Variants in ARHGEF10L observed in about 807,000 individuals in gnomAD.
The protein encoded by ARHGEF10L is rho guanine nucleotide exchange factor 10-like protein.
Under a neutral mutation model 141.2 loss-of-function variants are expected in ARHGEF10L, and 69 were observed. That is an observed-to-expected ratio of 0.49 (90% CI 0.40 to 0.60). The LOEUF is 0.60. Ranked by LOEUF, ARHGEF10L falls within the 20% of genes least tolerant of loss-of-function variation. ARHGEF10L has a pLI of 0.00. For missense variants in ARHGEF10L, 1,482 were observed against 1,734.3 expected, an observed-to-expected ratio of 0.85 and a Z score of 2.58; for synonymous variants, 711 against 718.5, an observed-to-expected ratio of 0.99 and a Z score of 0.17.
chr1:17,696,462 G>A (rs1188423248), intron 28 of ARHGEF10L, among the ~76,000 whole-genome samples: 1 of 152,114 alleles, frequency 6.6e-6, no homozygotes, highest in Non-Finnish European at 1.5e-5. Context: ...CAGAGACTGG[G>A]GCGAGCAGCT....
intron 25 of ARHGEF10L, among the ~76,000 whole-genome samples, chr1:17,661,159 C>T (rs1052887052): frequency 6.6e-6 from 1 of 152,156 alleles, no homozygotes; most frequent in East Asian, 1.9e-4. Flanking sequence ...TCCACTGCAA[C>T]CTTGGCCTCC....
rs546278903 is a variant in ARHGEF10L at position 17,654,236 on chromosome 1, G to A, written c.2395-400G>A. ...ACAGGCTGAGCCCTGGTTTCTGTGC[G>A]TGGCCCTCACAAGCCGCCCAGCCCT... On this transcript the variant is annotated intron_variant, in intron 22 of 28. Transcript: ENST00000361221. The surrounding 1 kb of genome is among the most constrained non-coding windows in gnomAD (Gnocchi z 4.3). 1.5e-4 allele frequency among the ~76,000 whole-genome samples: 23 copies of A among 152,294 alleles called. No individual in the cohort carries two copies. Among genetic ancestry groups the A allele is most frequent in the Non-Finnish European group, 2.9e-4 (20 of 68,024 alleles).
the ARHGEF10L span, among the ~76,000 whole-genome samples, chr1:17,528,368 C>A: frequency 1.8e-4 from 28 of 152,202 alleles, no homozygotes; most frequent in East Asian, 5.0e-3. Context: ...GCATACACCA[C>A]TATGCCTGTA....
chr1:17,608,128 C>A, intron 7 of ARHGEF10L, 151 bp downstream of exon 7: 1 of 856,492 alleles, frequency 1.2e-6, no homozygotes, highest in Non-Finnish European at 1.6e-6. Context: ...AGAGGGGAGC[C>A]AGAAGCCCAG....
chr1:17,674,087 C>T (rs959578271), intron 26 of ARHGEF10L, among the ~76,000 whole-genome samples: 2 of 152,202 alleles, frequency 1.3e-5, no homozygotes, highest in South Asian at 2.1e-4. Context: ...TGAGCAGGGC[C>T]AGTGTCTTAT....
At chr1:17,648,074 C>T (rs1043874377) in intron 21 of ARHGEF10L, among the ~76,000 whole-genome samples, 3 of 152,276 alleles carry the variant, frequency 2.0e-5, no homozygotes, top group East Asian at 1.9e-4. Flanking sequence ...GTGTGAGTGC[C>T]GCAATGGCGA....
intron 1 of ARHGEF10L, among the ~76,000 whole-genome samples, chr1:17,565,265 C>T (rs189845491): frequency 2.6e-5 from 4 of 152,326 alleles, no homozygotes; most frequent in Admixed American, 1.3e-4. Flanking sequence ...CCTAATCCAT[C>T]ACCTTGGGGG....
chr1:17,536,306 C>A (rs557211932), upstream of ARHGEF10L, among the ~76,000 whole-genome samples: 1 of 152,074 alleles, frequency 6.6e-6, no homozygotes, highest in Admixed American at 6.6e-5. Flanking sequence ...ATGGTGAAAC[C>A]CCATCTCTAC....
chr1:17,605,653 G>A (rs1470182434), intron 6 of ARHGEF10L, among the ~76,000 whole-genome samples: 3 of 152,210 alleles, frequency 2.0e-5, no homozygotes, highest in Non-Finnish European at 4.4e-5. Flanking sequence ...AATAGGAGGA[G>A]TGATCATTCA....
chr1:17,588,528 C>G (rs1180945721), intron 4 of ARHGEF10L, 49 bp downstream of exon 4: 1 of 1,612,002 alleles, frequency 6.2e-7, no homozygotes, highest in Non-Finnish European at 8.5e-7. Context: ...CAGGGAGACA[C>G]CGGGCAGTGG....
the ARHGEF10L span, among the ~76,000 whole-genome samples, chr1:17,525,433 C>G: frequency 6.6e-6 from 1 of 152,204 alleles, no homozygotes; most frequent in Non-Finnish European, 1.5e-5. Context: ...CCTGCATGAC[C>G]TTGAGCAAAT....
intron 2 of ARHGEF10L, among the ~76,000 whole-genome samples, chr1:17,583,379 G>A (rs760121297): frequency 6.6e-5 from 10 of 152,152 alleles, no homozygotes; most frequent in Non-Finnish European, 1.3e-4. Flanking sequence ...CAGTGATAAT[G>A]GTGGTAATAA....
At chr1:17,539,298 C>A (rs7511836), upstream of ARHGEF10L, among the ~76,000 whole-genome samples, 4,333 of 152,250 alleles carry the variant, frequency 0.028, 211 homozygotes, top group African/African-American at 0.099. This position sits in a 1 kb window ranked among gnomAD's most constrained non-coding sequence, Gnocchi z 6.0. Context: ...GGGGCCGGTC[C>A]AGGATTCTCA....
chr1:17,641,583 A>G (rs908679679), intron 21 of ARHGEF10L, among the ~76,000 whole-genome samples: 5 of 152,160 alleles, frequency 3.3e-5, no homozygotes, highest in African/African-American at 4.8e-5. Flanking sequence ...AGATCATGCC[A>G]CTGCACTCCA....
At chr1:17,688,807 A>T (rs964529796) in intron 27 of ARHGEF10L, among the ~76,000 whole-genome samples, 2 of 152,074 alleles carry the variant, frequency 1.3e-5, no homozygotes, top group African/African-American at 2.4e-5. Context: ...TGCCTACCCC[A>T]GGGGCCCGGT....
chr1:17,526,953 C>T, the ARHGEF10L span, among the ~76,000 whole-genome samples: 5 of 151,710 alleles, frequency 3.3e-5, no homozygotes, highest in Admixed American at 1.3e-4. Flanking sequence ...CAGGATGCCT[C>T]GTTGTGCTGT....
intron 26 of ARHGEF10L, among the ~76,000 whole-genome samples, chr1:17,667,156 T>C (rs1257810826): frequency 6.6e-6 from 1 of 152,230 alleles, no homozygotes; most frequent in Non-Finnish European, 1.5e-5. Context: ...GCTCGGCCTG[T>C]AGGCCTAGTG....
chr1:17,681,856 T>G (rs111647621), intron 26 of ARHGEF10L, among the ~76,000 whole-genome samples: 1 of 152,200 alleles, frequency 6.6e-6, no homozygotes, highest in African/African-American at 2.4e-5. Context: ...CCATGGGTGA[T>G]CCTTGGTGAT....
chr1:17,601,490 G>C (rs540952208), intron 4 of ARHGEF10L, among the ~76,000 whole-genome samples: 34 of 152,288 alleles, frequency 2.2e-4, no homozygotes, highest in African/African-American at 7.9e-4. Flanking sequence ...TTGTCATCCA[G>C]GCTGGAGTGT....
Sources: gnomAD v4.1 joint callset for allele counts (sites outside exome capture counted in the v4.1 genomes callset) on GRCh38, gnomAD v4.1.1 for gene constraint, Gnocchi (gnomAD v3.1) non-coding constraint, MANE v1.5 for transcripts, NCBI Gene and HGNC (gene_info 2026-07-23, HGNC 2026-07-21) for gene names.